The following MYH6 variants were observed in gnomAD, a reference collection of about 807,000 sequenced individuals.
The protein encoded by MYH6 is myosin heavy chain 6.
In MYH6, 126 loss-of-function variants were observed where a neutral mutation model predicts 223.2. The observed-to-expected ratio is 0.56, with a 90% CI of 0.49 to 0.65. MYH6 has a LOEUF of 0.65. Among genes scored for constraint, MYH6 ranks in the 30% least tolerant of loss-of-function variants. The pLI, the probability that MYH6 is intolerant of heterozygous loss-of-function variation, is 0.00. For synonymous variants in MYH6, 978 were observed against 1,010.2 expected, an observed-to-expected ratio of 0.97 and a Z score of 0.61; for missense variants, 2,040 against 2,536.4, an observed-to-expected ratio of 0.80 and a Z score of 4.20.
rs770533704 is a variant in MYH6 at position 23,393,423 on chromosome 14, G to T, written c.3024C>A (p.Ala1008=). The T allele has an allele frequency of 1.9e-6, 3 of 1,614,060 alleles. No homozygotes were observed. The African/African-American group carries it at 4.0e-5, about 22-fold the overall frequency. The change falls in exon 23 of 39, where the codon GCC becomes GCA. Residue 1008 remains alanine, a synonymous_variant. Transcript: ENST00000405093. The part of the protein sequence containing the change: ...KKALQEAHQQ[A]LDDLQVEEDK... ...CTTCCTCAACCTGAAGGTCATCCAGGGCCTGCTGATGGGCCTCTTGTAGAG... is the reference window on the plus strand; with the variant it reads ...CTTCCTCAACCTGAAGGTCATCCAGTGCCTGCTGATGGGCCTCTTGTAGAG...
intron 12 of MYH6, 45 bp from the exon 13 acceptor site, chr14:23,401,022 T>C: frequency 1.3e-6 from 2 of 1,598,838 alleles, no homozygotes; most frequent in African/African-American, 1.3e-5. Context: ...TTTTTTTTTT[T>C]TTAAGATAGA....
intron 28 of MYH6, 55 bp from the exon 29 acceptor site, chr14:23,389,110 C>G (rs985798154): frequency 8.5e-6 from 13 of 1,533,238 alleles, no homozygotes; most frequent in Non-Finnish European, 1.0e-5. Context: ...GCCCCATTCT[C>G]TAGATTCTCT....
At chr14:23,383,123 T>C in intron 37 of MYH6, 102 bp downstream of exon 37, 2 of 1,086,048 alleles carry the variant, frequency 1.8e-6, no homozygotes, top group Non-Finnish European at 2.8e-6. Context: ...GAGTTAAAGT[T>C]TATAGCAAAC....
At chr14:23,406,381 C>T (rs1397520548) in intron 3 of MYH6, among the ~76,000 whole-genome samples, 7 of 152,160 alleles carry the variant, frequency 4.6e-5, no homozygotes, top group South Asian at 2.1e-4. Flanking sequence ...CAGTGACTAG[C>T]GGGTGGCAGA....
intron 28 of MYH6, 83 bp from the exon 29 acceptor site, chr14:23,389,138 A>G (rs1184397040): frequency 1.4e-6 from 2 of 1,461,460 alleles, no homozygotes; most frequent in South Asian, 1.3e-5. Context: ...TAGTACTTCA[A>G]CCAAGCCCAG....
rs777100730 is a variant in MYH6, at chr14:23,396,715, C to T, written c.2271G>A (p.Gln757=). 3.1e-6 allele frequency: 5 copies of T among 1,614,030 alleles called. No homozygotes were observed. In the Admixed American group the frequency reaches 8.3e-5, roughly 27 times the overall value. Residue 757 remains glutamine (Q), a synonymous_variant, in exon 19 of 39, where the codon CAG becomes CAA. Coordinates refer to ENST00000405093, the MANE Select transcript of MYH6 (RefSeq NM_002471.4). ...TCACCTTGGTGTGGCCAAACTTGTA[C>T]TGGTTGTGATCAATGTCCAGAGAGC... is the stretch of plus-strand genomic sequence containing the variant. ...LLSSLDIDHN[Q]YKFGHTKVFF... is the part of the protein sequence containing the mutation.
At chr14:23,406,592 A>G (rs1038162559) in intron 3 of MYH6, among the ~76,000 whole-genome samples, 12 of 152,178 alleles carry the variant, frequency 7.9e-5, no homozygotes, top group African/African-American at 2.9e-4. Context: ...TCAGCTCAAA[A>G]GTTTCTGATC....
chr14:23,382,351 G>A, intron 38 of MYH6, 77 bp downstream of exon 38: 1 of 1,600,658 alleles, frequency 6.2e-7, no homozygotes, highest in Middle Eastern at 2.1e-4. Flanking sequence ...GGCAAGCAGT[G>A]CCCACTCTGA....
rs368828361 is a variant in MYH6 at position 23,384,982 on chromosome 14, C to T, written c.5223G>A (p.Ser1741=). 91 of 1,614,124 alleles carry T rather than the reference C, an allele frequency of 5.6e-5. No homozygotes were observed. The highest frequency in any genetic ancestry group is 7.0e-5 in the Non-Finnish European group (83 of 1,180,060). Residue 1741 remains serine, a synonymous_variant, in exon 35 of 39, where the codon TCG becomes TCA. Coordinates refer to ENST00000405093, the MANE Select transcript of MYH6 (RefSeq NM_002471.4). ...KMESDLTQLQ[S]EVEEAVQECR... is the part of the protein sequence containing the mutation. The stretch of plus-strand genomic sequence containing the variant: ...ACTCCTGCACTGCCTCCTCCACTTC[C>T]GACTGGAGCTGGGTCAGATCCGACT...
rs976988175 is a variant in MYH6 at position 23,384,550 on chromosome 14, C to T, written c.5457G>A (p.Ala1819=). 7.4e-6 allele frequency: 12 copies of T among 1,613,448 alleles called. No homozygotes were observed. Among genetic ancestry groups the T allele is most frequent in the South Asian group, 5.5e-5 (5 of 91,048 alleles). Reference sequence around the variant, plus strand: ...GCTCACCCTCCAGCTCCCGCACCCGCGCTTCCAGCTTCTGCAGCTGCTTCT... The same window carrying T: ...GCTCACCCTCCAGCTCCCGCACCCGTGCTTCCAGCTTCTGCAGCTGCTTCT... ...GGKKQLQKLE[A]RVRELEGELE... Residue 1819 remains alanine, a synonymous_variant, in exon 36 of 39, where the codon GCG becomes GCA. Transcript: ENST00000405093.
In MYH6 at chr14:23,390,249, C is replaced by T. The variant is rs778853343; in HGVS notation, c.3540G>A (p.Leu1180=). ...EAEFQKMRRD[L]EEATLQHEAT... ...CCTCGTGCTGCAGCGTGGCCTCCTC[C>T]AGGTCCCGCCGCATCTTCTGGAACT... Residue 1180 remains leucine (L), a synonymous_variant, in exon 26 of 39, where the codon CTG becomes CTA. Transcript: ENST00000405093. 5.9e-5 allele frequency: 94 copies of T among 1,583,132 alleles called. No homozygotes were observed. The highest frequency in any genetic ancestry group is 5.4e-5 in the Non-Finnish European group (63 of 1,161,938).
intron 33 of MYH6, 74 bp from the exon 34 acceptor site, chr14:23,386,205 C>A (rs1170163730): frequency 6.2e-7 from 1 of 1,612,368 alleles, no homozygotes; most frequent in African/African-American, 1.3e-5. Flanking sequence ...GTCAGAGGTC[C>A]CTGCAGTAAC....
At chr14:23,390,977 C>T (rs1483527325) in intron 25 of MYH6, among the ~76,000 whole-genome samples, 1 of 152,236 alleles carries the variant, frequency 6.6e-6, no homozygotes, top group African/African-American at 2.4e-5. Flanking sequence ...CTCTCCCAGG[C>T]TTGCTGTGTT....
chr14:23,392,711 A>G (rs1416091345), intron 24 of MYH6, 59 bp from the exon 25 acceptor site: 1 of 1,487,738 alleles, frequency 6.7e-7, no homozygotes, highest in African/African-American at 1.4e-5. Context: ...TCTGGGGCTC[A>G]TTCTCTTCTT....
chr14:23,383,341 G>GCCCCCCCCCCCCCCC, intron 36 of MYH6, 21 bp from the exon 37 acceptor site: 5 of 556,566 alleles, frequency 9.0e-6, no homozygotes, highest in African/African-American at 1.9e-5. Flanking sequence ...GAGGGTGGGA[G>GCCCCCCCCCCCCCCC]AAGCTGGTTT....
chr14:23,396,865 T>C, intron 18 of MYH6, 48 bp from the exon 19 acceptor site: 1 of 1,613,282 alleles, frequency 6.2e-7, no homozygotes, highest in Non-Finnish European at 8.5e-7. Flanking sequence ...AGTGATCTGC[T>C]CTGCCCACAG....
chr14:23,405,783 C>T lies in MYH6; in HGVS notation c.202-13G>A, dbSNP rs1427612683. Reference sequence around the variant, plus strand: ...TCACAGTCACCGTCTGGAGGGGGCGCATAAGCAGGAGGATGAGTGACCACA... The same window carrying T: ...TCACAGTCACCGTCTGGAGGGGGCGTATAAGCAGGAGGATGAGTGACCACA... On this transcript the variant is annotated splice_polypyrimidine_tract_variant and intron_variant, in intron 3 of 38. Transcript: ENST00000405093. This position sits in a 1 kb window ranked among gnomAD's most constrained non-coding sequence, Gnocchi z 4.7. 3 of 1,614,006 alleles carry T rather than the reference C, an allele frequency of 1.9e-6. No homozygotes were observed. Among genetic ancestry groups the T allele is most frequent in the Non-Finnish European group, 2.5e-6 (3 of 1,180,016 alleles).
Position 23,383,339 on chromosome 14 carries a change from G to GGGGGGGGGGGGGGGGGGCCCCCCC in MYH6, c.5566-20_5566-19insGGGGGGGCCCCCCCCCCCCCCCCC. The stretch of plus-strand genomic sequence containing the variant: ...CCTCTGTCTGGGGGTGGGAGGGTGG[G>GGGGGGGGGGGGGGGGGGCCCCCCC]AGAAGCTGGTTTGGAGGGGGAGCAA... On this transcript the variant is annotated intron_variant, in intron 36 of 38. Transcript: ENST00000405093. The GGGGGGGGGGGGGGGGGGCCCCCCC allele has an allele frequency of 9.2e-6, 1 of 108,198 alleles. No homozygotes were observed. The allele number at this position is 108,198 out of a possible 1,614,324, so 6.7% of individuals were successfully genotyped here. A position where few individuals can be genotyped will look rare whatever the true frequency, so the allele number is the denominator to read the frequency against.
intron 16 of MYH6, 109 bp downstream of exon 16, chr14:23,397,434 C>G: frequency 7.1e-7 from 1 of 1,401,554 alleles, no homozygotes; most frequent in East Asian, 2.3e-5. Context: ...ACTACGTAGC[C>G]CTAGCTTCTT....
Sources: gnomAD v4.1 joint callset for allele counts (sites outside exome capture counted in the v4.1 genomes callset) on GRCh38, gnomAD v4.1.1 for gene constraint, Gnocchi (gnomAD v3.1) non-coding constraint, MANE v1.5 for transcripts, NCBI Gene and HGNC (gene_info 2026-07-23, HGNC 2026-07-21) for gene names.